RANBP2: variants seen among roughly 807,000 people sequenced by gnomAD.
RANBP2 encodes the protein RAN binding protein 2.
A neutral mutation model predicts 303.6 loss-of-function variants in RANBP2; 57 were observed. The observed-to-expected ratio is 0.19, with a 90% CI of 0.15 to 0.23. The LOEUF is 0.23. Among genes scored for constraint, RANBP2 ranks in the 10% least tolerant of loss-of-function variants. The pLI is 1.00. For synonymous variants in RANBP2, 1,167 were observed against 1,301.5 expected, an observed-to-expected ratio of 0.90 and a Z score of 2.23; for missense variants, 3,138 against 3,780.8, an observed-to-expected ratio of 0.83 and a Z score of 4.46.
the RANBP2 span, among the ~76,000 whole-genome samples, chr2:108,969,295 C>T: frequency 6.6e-6 from 1 of 152,034 alleles, no homozygotes; most frequent in Non-Finnish European, 1.5e-5. Flanking sequence ...TTGATTCTGT[C>T]TTTCCAAGAC....
At chr2:109,599,458 CAAAAA>C in the RANBP2 span, among the ~76,000 whole-genome samples, 1 of 63,308 alleles carries the variant, frequency 1.6e-5, no homozygotes. Flanking sequence ...ACTCAGTCTC[CAAAAA>C]AAAAAAAAAA....
the RANBP2 span, among the ~76,000 whole-genome samples, chr2:108,941,065 G>T: frequency 6.6e-5 from 10 of 152,118 alleles, no homozygotes; most frequent in Non-Finnish European, 1.2e-4. Flanking sequence ...AATTTAAACC[G>T]ATTTTGCCTG....
chr2:109,135,063 A>G, the RANBP2 span, among the ~76,000 whole-genome samples: 1 of 152,098 alleles, frequency 6.6e-6, no homozygotes, highest in African/African-American at 2.4e-5. Context: ...TCTCATCCCT[A>G]CCCAGTAGGT....
At chr2:109,450,951 C>G in the RANBP2 span, among the ~76,000 whole-genome samples, 2 of 152,250 alleles carry the variant, frequency 1.3e-5, no homozygotes, top group Non-Finnish European at 2.9e-5. Flanking sequence ...CTCTCTCTTT[C>G]TCGAGGACAT....
At chr2:108,965,273 C>T in the RANBP2 span, among the ~76,000 whole-genome samples, 13 of 152,050 alleles carry the variant, frequency 8.5e-5, no homozygotes, top group Admixed American at 3.3e-4. Flanking sequence ...GTCAGGAGAT[C>T]GAGACCATCC....
chr2:109,184,719 C>T, the RANBP2 span, among the ~76,000 whole-genome samples: 2,394 of 152,310 alleles, frequency 0.016, 29 homozygotes, highest in Non-Finnish European at 0.025. Context: ...CCAAGTGCCT[C>T]CTGTGAATGT....
the RANBP2 span, among the ~76,000 whole-genome samples, chr2:109,226,658 CG>C: frequency 3.3e-5 from 5 of 152,140 alleles, no homozygotes; most frequent in Non-Finnish European, 5.9e-5. Flanking sequence ...TGACTTCTCC[CG>C]GGGCCATGCA....
chr2:108,968,418 G>A, the RANBP2 span, among the ~76,000 whole-genome samples: 1 of 152,116 alleles, frequency 6.6e-6, no homozygotes, highest in Non-Finnish European at 1.5e-5. Context: ...TGCAAACCAG[G>A]GATGTAGCAT....
chr2:108,969,823 A>G, the RANBP2 span, among the ~76,000 whole-genome samples: 1 of 152,218 alleles, frequency 6.6e-6, no homozygotes, highest in African/African-American at 2.4e-5. Context: ...TAACAACGCA[A>G]GGCAGTGTGC....
the RANBP2 span, among the ~76,000 whole-genome samples, chr2:109,376,513 G>T: frequency 6.6e-6 from 1 of 152,156 alleles, no homozygotes; most frequent in Non-Finnish European, 1.5e-5. Context: ...CTCTCCATGG[G>T]GCCAGGATCG....
the RANBP2 span, among the ~76,000 whole-genome samples, chr2:109,460,414 T>C: frequency 1.1e-4 from 17 of 152,154 alleles, no homozygotes; most frequent in African/African-American, 3.9e-4. Context: ...TGCTGGTGGA[T>C]TGGACACAGT....
the RANBP2 span, among the ~76,000 whole-genome samples, chr2:109,472,017 G>C: frequency 6.6e-6 from 1 of 152,188 alleles, no homozygotes; most frequent in Non-Finnish European, 1.5e-5. Context: ...CCCCTGCACT[G>C]TGTGGCCCTG....
At chr2:109,675,788 G>C in the RANBP2 span, among the ~76,000 whole-genome samples, 2 of 152,210 alleles carry the variant, frequency 1.3e-5, no homozygotes, top group Non-Finnish European at 2.9e-5. Flanking sequence ...CTGCCACTCT[G>C]CTGAGGGTGG....
the RANBP2 span, among the ~76,000 whole-genome samples, chr2:109,400,279 G>A: frequency 6.6e-6 from 1 of 151,100 alleles, no homozygotes; most frequent in Admixed American, 6.6e-5. Flanking sequence ...CCGCACATAT[G>A]CACTCCCACG....
chr2:108,889,760 G>A, the RANBP2 span, among the ~76,000 whole-genome samples: 3 of 152,210 alleles, frequency 2.0e-5, no homozygotes, highest in African/African-American at 7.2e-5. Flanking sequence ...TATCTTTTAA[G>A]TGGAGAATTA....
the RANBP2 span, among the ~76,000 whole-genome samples, chr2:109,609,058 A>C: frequency 6.6e-6 from 1 of 152,218 alleles, no homozygotes; most frequent in African/African-American, 2.4e-5. Context: ...TCAATCAATC[A>C]ATCAATTAAT....
At chr2:109,018,976 A>G in the RANBP2 span, among the ~76,000 whole-genome samples, 565 of 152,354 alleles carry the variant, frequency 3.7e-3, 2 homozygotes, top group African/African-American at 0.012. Context: ...ATAAATGGAA[A>G]AGGGAGTATA....
the RANBP2 span, among the ~76,000 whole-genome samples, chr2:109,688,876 T>TTTCCTTCCTTCC: frequency 9.1e-3 from 1,337 of 147,376 alleles, 19 homozygotes; most frequent in African/African-American, 0.032. Flanking sequence ...CTACATTTAT[T>TTTCCTTCCTTCC]TTCCTTCCTT....
the RANBP2 span, chr2:109,614,821 G>A: frequency 7.0e-7 from 1 of 1,438,246 alleles, no homozygotes; most frequent in South Asian, 1.4e-5. Flanking sequence ...GGCCCTGCCG[G>A]GCCCGAGGCG....
Sources: allele counts gnomAD v4.1 joint callset (sites outside exome capture counted in the v4.1 genomes callset), GRCh38; gene constraint gnomAD v4.1.1; transcripts MANE v1.5; gene names NCBI Gene and HGNC (gene_info 2026-07-23, HGNC 2026-07-21).